NGRN: variants seen among roughly 807,000 people sequenced by gnomAD.
NGRN encodes the protein neugrin, neurite outgrowth associated.
In NGRN, 12 loss-of-function variants were observed where a neutral mutation model predicts 13.1. The observed-to-expected ratio is 0.92, with a 90% CI of 0.59 to 1.49. NGRN has a LOEUF of 1.49. Ranked by LOEUF, NGRN falls within the 40% of genes most tolerant of loss-of-function variation. The pLI, the probability that NGRN is intolerant of heterozygous loss-of-function variation, is 0.00. For missense variants in NGRN, 397 were observed against 357.0 expected, an observed-to-expected ratio of 1.11 and a Z score of -0.90; for synonymous variants, 149 against 145.8, an observed-to-expected ratio of 1.02 and a Z score of -0.16.
chr15:90,271,142 TA>T (rs1963495319), intron 2 of NGRN, 45 bp from the exon 3 acceptor site: 2 of 1,579,386 alleles, frequency 1.3e-6, no homozygotes, highest in Admixed American at 3.7e-5. Flanking sequence ...GATGTTCTGA[TA>T]GGAGACTTCT....
Position 90,266,364 on chromosome 15 carries a change from A to T in NGRN, c.241A>T (p.Arg81Trp). The T allele has an allele frequency of 6.2e-7, 1 of 1,613,878 alleles. No individual in the cohort carries two copies. ...AATGGAGGCGCCTGGTGCCCCGCCC[A>T]GGACCCTGACGTGGGAAGCCATGGA... ...RQMEAPGAPP[R>W]TLTWEAMEQI... The change falls in exon 2 of 3, where the codon AGG becomes TGG. Residue 81 changes from arginine (R) to tryptophan (W), a missense_variant. Coordinates refer to ENST00000379095, the MANE Select transcript of NGRN (RefSeq NM_001033088.3).
At chr15:90,267,422 A>C (rs1038194990) in intron 2 of NGRN, among the ~76,000 whole-genome samples, 7 of 152,104 alleles carry the variant, frequency 4.6e-5, no homozygotes, top group Middle Eastern at 3.4e-3. Context: ...TTTTTTATAG[A>C]TGGTGTTATT....
chr15:90,269,361 G>A (rs1567083131), intron 2 of NGRN, among the ~76,000 whole-genome samples: 1 of 151,182 alleles, frequency 6.6e-6, no homozygotes, highest in Non-Finnish European at 1.5e-5. Context: ...TAAGTTCTGG[G>A]GTACATGTGC....
intron 2 of NGRN, among the ~76,000 whole-genome samples, chr15:90,268,940 T>TCCCC (rs1491175285): frequency 4.8e-5 from 1 of 20,868 alleles, no homozygotes; most frequent in African/African-American, 1.5e-4. Flanking sequence ...GAAACTGCTT[T>TCCCC]CTCCCACCCC....
chr15:90,266,465 C>A, intron 2 of NGRN, 67 bp downstream of exon 2: 1 of 1,307,778 alleles, frequency 7.6e-7, no homozygotes, highest in Non-Finnish European at 1.1e-6. Flanking sequence ...AGCCCAGAAA[C>A]GGGTTTGGCT....
At position 90,266,281 on chromosome 15, in the gene NGRN, C is replaced by A. The variant is rs771438885; in HGVS notation, c.165-7C>A. The A allele has an allele frequency of 6.2e-7, 1 of 1,611,522 alleles. No individual in the cohort carries two copies. Among genetic ancestry groups the A allele is most frequent in the South Asian group, 1.1e-5 (1 of 90,530 alleles). On this transcript the variant is annotated splice_region_variant and splice_polypyrimidine_tract_variant and intron_variant, in intron 1 of 2. Coordinates refer to ENST00000379095, the MANE Select transcript of NGRN (RefSeq NM_001033088.3). Reference sequence around the variant, plus strand: ...CATGGCTTCTGCCATTGGTTCTCTTCCCCCAGCACCCTGAAACGACAGAAA... The same window carrying A: ...CATGGCTTCTGCCATTGGTTCTCTTACCCCAGCACCCTGAAACGACAGAAA...
Position 90,266,352 on chromosome 15 carries a change from G to C in NGRN, c.229G>C (p.Gly77Arg), listed in dbSNP as rs1431131436. 2 of 1,613,840 alleles carry C rather than the reference G, an allele frequency of 1.2e-6. No individual in the cohort carries two copies. Among genetic ancestry groups the C allele is most frequent in the East Asian group, 4.5e-5 (2 of 44,884 alleles). Residue 77 changes from glycine (G) to arginine (R), a missense_variant, in exon 2 of 3, where the codon GGT (glycine) becomes CGT (arginine). Physicochemically the swap from Gly to Arg is moderately radical, Grantham distance 125 (BLOSUM62 -2). Coordinates refer to ENST00000379095, the MANE Select transcript of NGRN (RefSeq NM_001033088.3). Reference protein sequence around the residue: ...QKIRRQMEAPGAPPRTLTWEA... With the variant: ...QKIRRQMEAPRAPPRTLTWEA... Reference sequence around the variant, plus strand: ...AATTCGGAGGCAAATGGAGGCGCCTGGTGCCCCGCCCAGGACCCTGACGTG... The same window carrying C: ...AATTCGGAGGCAAATGGAGGCGCCTCGTGCCCCGCCCAGGACCCTGACGTG...
At chr15:90,266,234 A>C in intron 1 of NGRN, 54 bp from the exon 2 acceptor site, 1 of 1,571,840 alleles carries the variant, frequency 6.4e-7, no homozygotes, top group South Asian at 1.2e-5. Flanking sequence ...GAGGCTCTTC[A>C]AACATCCATT....
Position 90,266,327 on chromosome 15 carries a change from A to G in NGRN, c.204A>G (p.Lys68=), listed in dbSNP as rs1395241363. Residue 68 remains lysine, a synonymous_variant, in exon 2 of 3, where the codon AAA becomes AAG. Transcript: ENST00000379095. ...AGAAACAAGCAATCCGATTCCAGAA[A>G]ATTCGGAGGCAAATGGAGGCGCCTG... ...KRQKQAIRFQ[K]IRRQMEAPGA... is the part of the protein sequence containing the mutation. 1 of 1,613,884 alleles carries G rather than the reference A, an allele frequency of 6.2e-7. No homozygotes were observed. The highest frequency in any genetic ancestry group is 1.3e-5 in the African/African-American group (1 of 75,012).
intron 2 of NGRN, among the ~76,000 whole-genome samples, chr15:90,269,002 T>TC (rs2093460049): frequency 7.9e-6 from 1 of 125,874 alleles, no homozygotes; most frequent in East Asian, 2.4e-4. Context: ...CTTTTTTTTT[T>TC]TTTTTTTTTT....
rs373264197 is a variant in NGRN at position 90,268,347 on chromosome 15, C to G, written c.275+1949C>G. On this transcript the variant is annotated intron_variant, in intron 2 of 2. Transcript: ENST00000379095. ...ATAGCTTTTTCAAACCTTCCACCTT[C>G]CTACTTATCTCCCTTTATTGTGGTC... Among the ~76,000 whole-genome samples, 26 of 151,812 alleles carry G rather than the reference C, an allele frequency of 1.7e-4. No homozygotes were observed. In the East Asian group the frequency reaches 4.3e-3, roughly 25 times the overall value.
chr15:90,269,733 T>C lies in NGRN; in HGVS notation c.276-1455T>C, dbSNP rs183663444. Among the ~76,000 whole-genome samples the C allele has an allele frequency of 2.9e-3, 449 of 152,312 alleles. 1 individual carries two copies. Among genetic ancestry groups the C allele is most frequent in the South Asian group, 6.6e-3 (32 of 4,826 alleles). On this transcript the variant is annotated intron_variant, in intron 2 of 2. Coordinates refer to ENST00000379095, the MANE Select transcript of NGRN (RefSeq NM_001033088.3). ...AACTGTGTACCAGACATCTCTGTTTTGGATATCACAGTTTCCTCAAACTCA... is the reference window on the plus strand; with the variant it reads ...AACTGTGTACCAGACATCTCTGTTTCGGATATCACAGTTTCCTCAAACTCA...
intron 2 of NGRN, among the ~76,000 whole-genome samples, chr15:90,269,959 A>C (rs1232612818): frequency 6.6e-6 from 1 of 152,184 alleles, no homozygotes; most frequent in East Asian, 1.9e-4. Flanking sequence ...CCTATGCTCC[A>C]TTGACTGTCT....
Position 90,271,219 on chromosome 15 carries a change from T to G in NGRN, c.307T>G (p.Ser103Ala). 1 of 1,614,006 alleles carries G rather than the reference T, an allele frequency of 6.2e-7. No homozygotes were observed. The highest frequency in any genetic ancestry group is 1.1e-5 in the South Asian group (1 of 91,074). The change falls in exon 3 of 3, where the codon TCA (serine) becomes GCA (alanine). Residue 103 changes from serine (S) to alanine (A), a missense_variant. Physicochemically the swap from Ser to Ala is moderately conservative, Grantham distance 99 (BLOSUM62 1). Transcript: ENST00000379095. ...YLHEEFPESW[S>A]VPRLAEGFDV... is the part of the protein sequence containing the mutation. ...ACATGAGGAATTTCCAGAGTCCTGG[T>G]CAGTTCCCAGGTTGGCTGAAGGCTT...
rs533701618 is a variant in NGRN, at chr15:90,271,504, A to G, written c.592A>G (p.Thr198Ala). The change falls in exon 3 of 3, where the codon ACT becomes GCT. Residue 198 changes from threonine (T) to alanine (A), a missense_variant. Thr to Ala is a moderately conservative substitution (Grantham distance 58, BLOSUM62 0). Transcript: ENST00000379095. The stretch of plus-strand genomic sequence containing the variant: ...AGCTTTGAAAGTGATAGAGTCAGAC[A>G]CTCACAGGACAAATACACCAAGGAG... ...STALKVIESD[T>A]HRTNTPRRRK... 19 of 1,614,082 alleles carry G rather than the reference A, an allele frequency of 1.2e-5. No homozygotes were observed. Among genetic ancestry groups the G allele is most frequent in the Admixed American group, 8.3e-5 (5 of 60,008 alleles).
At position 90,266,348 on chromosome 15, in the gene NGRN, G is replaced by A; in HGVS notation, c.225G>A (p.Ala75=). The A allele has an allele frequency of 1.2e-6, 2 of 1,613,942 alleles. No homozygotes were observed. The highest frequency in any genetic ancestry group is 2.2e-5 in the South Asian group (2 of 91,034). ...RFQKIRRQME[A]PGAPPRTLTW... ...AGAAAATTCGGAGGCAAATGGAGGC[G>A]CCTGGTGCCCCGCCCAGGACCCTGA... The change falls in exon 2 of 3, where the codon GCG becomes GCA. Residue 75 remains alanine, a synonymous_variant. Transcript: ENST00000379095.
chr15:90,266,416 T>A lies in NGRN; in HGVS notation c.275+18T>A, dbSNP rs1396871468. The A allele has an allele frequency of 6.3e-7, 1 of 1,592,674 alleles. No homozygotes were observed. The highest frequency in any genetic ancestry group is 1.7e-5 in the Admixed American group (1 of 58,124). On this transcript the variant is annotated intron_variant, in intron 2 of 2. Transcript: ENST00000379095. Reference sequence around the variant, plus strand: ...CAGATACGGTGAGACTCAGGATACCTTGTTTGTATCCGCTGTGATGAGAAG... The same window carrying A: ...CAGATACGGTGAGACTCAGGATACCATGTTTGTATCCGCTGTGATGAGAAG...
At position 90,272,089 on chromosome 15, in the gene NGRN, GAGA is replaced by G. The variant is rs1334981667; in HGVS notation, c.*307_*309del. ...TCTGTGATACTTGCAATTTATGTTT[GAGA>G]AGAAGTGAAAAGTTTGCCTTCTGAC... On this transcript the variant is annotated 3_prime_UTR_variant, in exon 3 of 3. Coordinates refer to ENST00000379095, the MANE Select transcript of NGRN (RefSeq NM_001033088.3). 5.9e-6 allele frequency: 2 copies of G among 340,330 alleles called. No homozygotes were observed. The highest frequency in any genetic ancestry group is 4.3e-5 in the Admixed American group (1 of 23,464). 21.1% of individuals were successfully genotyped at this position (340,330 alleles called of 1,614,324 possible).
Position 90,266,992 on chromosome 15 carries a change from T to C in NGRN, c.275+594T>C, listed in dbSNP as rs139675763. Reference sequence around the variant, plus strand: ...CTAACAGTATAACATGGTATACACATTGAGAATTATTTGTCCCACCCACTC... The same window carrying C: ...CTAACAGTATAACATGGTATACACACTGAGAATTATTTGTCCCACCCACTC... On this transcript the variant is annotated intron_variant, in intron 2 of 2. Transcript: ENST00000379095. Among the ~76,000 whole-genome samples, 12 of 152,054 alleles carry C rather than the reference T, an allele frequency of 7.9e-5. No homozygotes were observed. The South Asian group carries it at 1.2e-3, about 16-fold the overall frequency.
Sources: allele counts gnomAD v4.1 joint callset (sites outside exome capture counted in the v4.1 genomes callset), GRCh38; gene constraint gnomAD v4.1.1; transcripts MANE v1.5; gene names NCBI Gene and HGNC (gene_info 2026-07-23, HGNC 2026-07-21).